Variants in ERBB4 observed in about 807,000 individuals in gnomAD.
ERBB4 encodes receptor tyrosine-protein kinase erbB-4.
A neutral mutation model predicts 158.0 loss-of-function variants in ERBB4; 42 were observed. That is an observed-to-expected ratio of 0.27 (90% confidence interval 0.21 to 0.34). The LOEUF (loss-of-function observed/expected upper bound fraction) is 0.34, where lower values mean the gene tolerates loss of function less well. ERBB4 is among the 10% of genes least tolerant of loss of function. The probability of loss-of-function intolerance (pLI) is 1.00; values close to 1 mark genes in which losing one functional copy is unlikely to be tolerated. For missense variants in ERBB4, 1,333 were observed against 1,624.1 expected (o/e 0.82, Z 3.08); for synonymous variants, 583 against 558.7 (o/e 1.04, Z -0.61).
intron 3 of ERBB4, among the ~76,000 whole-genome samples, chr2:211,863,418 C>T (rs1357825884): frequency 6.6e-6 from 1 of 152,220 alleles, no homozygotes; most frequent in Non-Finnish European, 1.5e-5. Flanking sequence ...AAGCTTTGTT[C>T]TTCTGCTCTT....
Position 211,377,061 on chromosome 2 carries a change from C to G in ERBB4, c.*6554G>C. ...AGAAAATAACTTTCGTAGTTGATTA[C>G]TGGAGTAATCCCAAAAGGGTTCTTG... On this transcript the variant is annotated 3_prime_UTR_variant, in exon 28 of 28. Coordinates refer to ENST00000342788, the MANE Select transcript of ERBB4 (RefSeq NM_005235.3). 4.3e-6 allele frequency: 1 copy of G among 232,980 alleles called. No individual in the cohort carries two copies. Among genetic ancestry groups the G allele is most frequent in the Non-Finnish European group, 8.5e-6 (1 of 117,620 alleles). The allele number at this position is 232,980 out of a possible 1,614,324, so 14.4% of individuals were successfully genotyped here.
chr2:212,427,558 G>A (rs2091940756), intron 1 of ERBB4, among the ~76,000 whole-genome samples: 2 of 152,142 alleles, frequency 1.3e-5, no homozygotes, highest in East Asian at 1.9e-4. Context: ...TATGCCATAT[G>A]GGAAAAACAC....
chr2:212,171,264 T>G (rs183943101), intron 1 of ERBB4, among the ~76,000 whole-genome samples: 27 of 152,214 alleles, frequency 1.8e-4, no homozygotes. Flanking sequence ...TTCTCCCATT[T>G]GGAATGGGAA....
chr2:211,800,653 G>A (rs1447674869), intron 3 of ERBB4, among the ~76,000 whole-genome samples: 2 of 127,740 alleles, frequency 1.6e-5, no homozygotes, highest in African/African-American at 3.3e-5. Flanking sequence ...ATGAAAAACT[G>A]TGCGTTAAAA....
intron 3 of ERBB4, among the ~76,000 whole-genome samples, chr2:211,813,726 A>G (rs2076813496): frequency 6.6e-6 from 1 of 152,148 alleles, no homozygotes. Flanking sequence ...AGGACAGTAA[A>G]CTAGTTCTCA....
intron 1 of ERBB4, among the ~76,000 whole-genome samples, chr2:212,420,603 T>C (rs1403190009): frequency 1.3e-5 from 2 of 152,140 alleles, no homozygotes; most frequent in African/African-American, 4.8e-5. Flanking sequence ...GAAAAGGTTT[T>C]TGCTTGTTCG....
rs1438549922 is a variant in ERBB4, at chr2:211,892,626, G to A, written c.421+54804C>T. ...GAAAAGAGGAAGTCAAATTGTCCCT[G>A]TTTGCAGATGACGTGATTGTATATC... On this transcript the variant is annotated intron_variant, in intron 3 of 27. Transcript: ENST00000342788. 3.4e-5 allele frequency among the ~76,000 whole-genome samples: 5 copies of A among 145,642 alleles called. 2 individuals are homozygous for A. The highest frequency in any genetic ancestry group is 7.5e-5 in the Non-Finnish European group (5 of 66,596).
At chr2:212,337,444 C>A (rs1007383707) in intron 1 of ERBB4, among the ~76,000 whole-genome samples, 1 of 152,052 alleles carries the variant, frequency 6.6e-6, no homozygotes, top group Admixed American at 6.6e-5. Context: ...TTCTATGCAA[C>A]AAATCCGCTT....
At chr2:211,705,709 G>A (rs2073412928) in intron 9 of ERBB4, among the ~76,000 whole-genome samples, 1 of 152,098 alleles carries the variant, frequency 6.6e-6, no homozygotes, top group African/African-American at 2.4e-5. Flanking sequence ...TGTTTTAAAA[G>A]TTTATTCTTG....
Position 212,506,721 on chromosome 2 carries a change from C to T in ERBB4, c.82+31728G>A, listed in dbSNP as rs1248680835. ...CTGTAAAAGAAAAGTTGGAAGCTAG[C>T]CGAGATTGGTTCATGAGGTTTAAGG... On this transcript the variant is annotated intron_variant, in intron 1 of 27. Coordinates refer to ENST00000342788, the MANE Select transcript of ERBB4 (RefSeq NM_005235.3). 3.9e-5 allele frequency among the ~76,000 whole-genome samples: 6 copies of T among 152,226 alleles called. No individual in the cohort carries two copies. In the East Asian group the frequency reaches 1.2e-3, roughly 29 times the overall value.
intron 12 of ERBB4, among the ~76,000 whole-genome samples, chr2:211,687,800 A>G (rs1304270465): frequency 6.6e-6 from 1 of 152,122 alleles, no homozygotes; most frequent in African/African-American, 2.4e-5. Flanking sequence ...GGGTTCCAAG[A>G]TCTCACACCT....
chr2:212,490,179 TTCTATC>T (rs1302649240), intron 1 of ERBB4, among the ~76,000 whole-genome samples: 3 of 151,862 alleles, frequency 2.0e-5, no homozygotes, highest in Non-Finnish European at 2.9e-5. Context: ...ATTTTCTTTG[TTCTATC>T]TCTATTTCAC....
intron 3 of ERBB4, among the ~76,000 whole-genome samples, chr2:211,941,257 ATT>A (rs34846131): frequency 0.038 from 5,393 of 143,664 alleles, 114 homozygotes; most frequent in South Asian, 0.06. Context: ...GTACTCTTAG[ATT>A]TTTTTTTTTT....
chr2:211,543,041 T>C (rs1288127209), intron 20 of ERBB4, among the ~76,000 whole-genome samples: 1 of 151,974 alleles, frequency 6.6e-6, no homozygotes, highest in Non-Finnish European at 1.5e-5. Flanking sequence ...GTTTTGGGGA[T>C]AGAAAAATTT....
At chr2:212,538,243 G>A (rs943696187) in intron 1 of ERBB4, among the ~76,000 whole-genome samples, 4 of 151,666 alleles carry the variant, frequency 2.6e-5, no homozygotes, top group African/African-American at 7.3e-5. Flanking sequence ...GGGACTCAGA[G>A]TGATTTTTCA....
intron 12 of ERBB4, among the ~76,000 whole-genome samples, chr2:211,689,701 C>T (rs1407111152): frequency 1.3e-5 from 2 of 152,024 alleles, no homozygotes; most frequent in African/African-American, 4.8e-5. Flanking sequence ...TATTAAGTTA[C>T]AATACTCATT....
At chr2:212,340,179 T>C (rs756030839) in intron 1 of ERBB4, among the ~76,000 whole-genome samples, 1 of 151,894 alleles carries the variant, frequency 6.6e-6, no homozygotes, top group Non-Finnish European at 1.5e-5. Context: ...GGTATTATAG[T>C]TGAGAGCCAC....
At position 212,302,614 on chromosome 2, in the gene ERBB4, G is replaced by C. The variant is rs113714223; in HGVS notation, c.83-177711C>G. Among the ~76,000 whole-genome samples, 792 of 151,528 alleles carry C rather than the reference G, an allele frequency of 5.2e-3. 4 individuals carry two copies. The highest frequency in any genetic ancestry group is 0.017 in the Middle Eastern group (5 of 292). ...GCAATCACCTTCTCTATTTTTATTAGGGAAGCAGTATCTCAAAAGTCAAAT... is the reference window on the plus strand; with the variant it reads ...GCAATCACCTTCTCTATTTTTATTACGGAAGCAGTATCTCAAAAGTCAAAT... On this transcript the variant is annotated intron_variant, in intron 1 of 27. Coordinates refer to ENST00000342788, the MANE Select transcript of ERBB4 (RefSeq NM_005235.3).
intron 4 of ERBB4, among the ~76,000 whole-genome samples, chr2:211,754,528 G>A (rs560237916): frequency 6.6e-6 from 1 of 150,434 alleles, no homozygotes; most frequent in African/African-American, 2.4e-5. Flanking sequence ...AGCCTCCCGA[G>A]TAGCTGGGAT....
Sources: gnomAD v4.1 joint callset for allele counts (sites outside exome capture counted in the v4.1 genomes callset) on GRCh38, gnomAD v4.1.1 for gene constraint, MANE v1.5 for transcripts, NCBI Gene and HGNC (gene_info 2026-07-23, HGNC 2026-07-21) for gene names.